The following HTN1 variants were observed in gnomAD, a reference collection of about 807,000 sequenced individuals.
The protein encoded by HTN1 is histatin-1.
Under a neutral mutation model 11.2 loss-of-function variants are expected in HTN1, and 18 were observed. The ratio of observed to expected loss-of-function variants is 1.61; its 90% CI spans 1.12 to 2.39. The LOEUF is 2.39. Among genes scored for constraint, HTN1 ranks in the 30% most tolerant of loss-of-function variants. The probability of loss-of-function intolerance (pLI) is 0.00; values close to 1 mark genes in which losing one functional copy is unlikely to be tolerated. For missense variants in HTN1, 80 were observed against 67.2 expected, an observed-to-expected ratio of 1.19 and a Z score of -0.67; for synonymous variants, 21 against 20.5, an observed-to-expected ratio of 1.02 and a Z score of -0.07.
chr4:70,055,776 A>C, intron 5 of HTN1, 174 bp downstream of exon 5: 2 of 492,828 alleles, frequency 4.1e-6, no homozygotes, highest in Non-Finnish European at 7.3e-6. Context: ...GTTATTTCTG[A>C]GGTCTCTGTT....
intron 5 of HTN1, chr4:70,057,961 T>A (rs1726085037): frequency 6.6e-6 from 1 of 152,146 alleles, no homozygotes; most frequent in Non-Finnish European, 1.5e-5. Context: ...TTCAAGGAAA[T>A]AGAAAATGGT....
chr4:70,055,553 A>C lies in HTN1; in HGVS notation c.158A>C (p.Tyr53Ser). Residue 53 changes from tyrosine (Y) to serine (S), a missense_variant, in exon 5 of 6, where the codon TAT becomes TCT. Coordinates refer to ENST00000246896, the MANE Select transcript of HTN1 (RefSeq NM_002159.4). Reference protein sequence around the residue: ...FPFYGDYGSNYLYDN With the variant: ...FPFYGDYGSNSLYDN ...TTTTATGGGGACTATGGATCAAATT[A>C]TCTATATGACAATTGATATCCTTAG... is the stretch of plus-strand genomic sequence containing the variant. 1 of 1,577,658 alleles carries C rather than the reference A, an allele frequency of 6.3e-7. No individual in the cohort carries two copies.
chr4:70,054,386 T>C, intron 3 of HTN1, 35 bp from the exon 4 acceptor site: 1 of 1,525,294 alleles, frequency 6.6e-7, no homozygotes, highest in Non-Finnish European at 9.0e-7. Flanking sequence ...AATAAACATA[T>C]ATTGAATTTT....
At chr4:70,052,490 T>G (rs1374571533) in intron 1 of HTN1, among the ~76,000 whole-genome samples, 1 of 152,180 alleles carries the variant, frequency 6.6e-6, no homozygotes, top group Non-Finnish European at 1.5e-5. Flanking sequence ...TCTGTTTTAT[T>G]TCTTTATAGG....
chr4:70,051,607 G>A (rs1179848749), intron 1 of HTN1, among the ~76,000 whole-genome samples: 1 of 152,050 alleles, frequency 6.6e-6, no homozygotes, highest in Admixed American at 6.6e-5. Flanking sequence ...CATAAAAAGA[G>A]TTGTAGTAGG....
chr4:70,053,110 C>A lies in HTN1; in HGVS notation c.34C>A (p.Leu12Ile). The part of the protein sequence containing the change: ...KFFVFALVLA[L>I]MISMISADSH... ...TTTTGTCTTTGCTTTAGTCTTGGCT[C>A]TCATGATTTCCATGATTGTAAGTAT... The change falls in exon 2 of 6, where the codon CTC becomes ATC. Residue 12 changes from leucine to isoleucine, a missense_variant. Coordinates refer to ENST00000246896, the MANE Select transcript of HTN1 (RefSeq NM_002159.4). 2.5e-6 allele frequency: 4 copies of A among 1,608,214 alleles called. No homozygotes were observed. The highest frequency in any genetic ancestry group is 3.4e-6 in the Non-Finnish European group (4 of 1,174,992).
At chr4:70,055,000 TA>T (rs1421161113) in intron 4 of HTN1, among the ~76,000 whole-genome samples, 1 of 152,034 alleles carries the variant, frequency 6.6e-6, no homozygotes, top group East Asian at 1.9e-4. Context: ...GTATACATGT[TA>T]AAAAAGCACC....
intron 4 of HTN1, among the ~76,000 whole-genome samples, chr4:70,054,921 C>T (rs560521998): frequency 1.3e-5 from 2 of 152,058 alleles, no homozygotes; most frequent in Admixed American, 6.6e-5. Context: ...TATATAAAGT[C>T]TCATGTTATT....
intron 2 of HTN1, among the ~76,000 whole-genome samples, chr4:70,053,361 T>C (rs60499055): frequency 0.021 from 3,237 of 152,214 alleles, 108 homozygotes; most frequent in African/African-American, 0.073. Flanking sequence ...AATGTAAAAG[T>C]AAAAGAAAAT....
At chr4:70,058,441 A>G (rs1438193211) in intron 5 of HTN1, 139 bp from the exon 6 acceptor site, 3 of 152,150 alleles carry the variant, frequency 2.0e-5, no homozygotes, top group Non-Finnish European at 2.9e-5. Context: ...TGTCTACTCT[A>G]TATCAAATAG....
chr4:70,054,424 C>T lies in HTN1; in HGVS notation c.76C>T (p.His26Tyr), dbSNP rs748214658. 9.2e-6 allele frequency: 14 copies of T among 1,522,020 alleles called. No individual in the cohort carries two copies. The South Asian group carries it at 1.7e-4, about 18-fold the overall frequency. 94.3% of individuals were successfully genotyped at this position (1,522,020 alleles called of 1,614,324 possible). ...MISADSHEKR[H>Y]HGYRRKFHEK... is the part of the protein sequence containing the mutation. ...ATCTTTTCTTTTTATTTCATAGAGACATCATGGGTATAGAAGAAAATTCCA... is the reference window on the plus strand; with the variant it reads ...ATCTTTTCTTTTTATTTCATAGAGATATCATGGGTATAGAAGAAAATTCCA... Residue 26 changes from histidine (H) to tyrosine (Y), a missense_variant, in exon 4 of 6, where the codon CAT becomes TAT. Coordinates refer to ENST00000246896, the MANE Select transcript of HTN1 (RefSeq NM_002159.4).
At chr4:70,056,138 C>G (rs565565896) in intron 5 of HTN1, 1 of 152,148 alleles carries the variant, frequency 6.6e-6, no homozygotes, top group East Asian at 1.9e-4. Flanking sequence ...GTTTGTAGTT[C>G]TCCTTGAAGA....
intron 4 of HTN1, among the ~76,000 whole-genome samples, chr4:70,054,837 C>A (rs1725992357): frequency 6.6e-6 from 1 of 151,960 alleles, no homozygotes; most frequent in Admixed American, 6.6e-5. Flanking sequence ...GAGGATGATA[C>A]AGTCTTTAAA....
intron 5 of HTN1, chr4:70,058,148 A>AT (rs1726089710): frequency 1.3e-5 from 2 of 152,126 alleles, no homozygotes; most frequent in Admixed American, 1.3e-4. Context: ...ATATTTTTTA[A>AT]TGTATTGGGA....
chr4:70,056,983 C>T (rs543332607), intron 5 of HTN1: 1 of 152,236 alleles, frequency 6.6e-6, no homozygotes, highest in South Asian at 2.1e-4. Context: ...TATGGTGATT[C>T]CTCAAGGATC....
intron 1 of HTN1, among the ~76,000 whole-genome samples, chr4:70,051,341 A>C (rs1195923258): frequency 6.6e-6 from 1 of 152,132 alleles, no homozygotes; most frequent in African/African-American, 2.4e-5. Context: ...CAATCTTACT[A>C]ATTTGTTTAA....
chr4:70,050,669 A>G (rs929286662), intron 1 of HTN1, among the ~76,000 whole-genome samples, 174 bp downstream of exon 1: 8 of 152,184 alleles, frequency 5.3e-5, no homozygotes, highest in Non-Finnish European at 1.2e-4. Context: ...ATAGAATACC[A>G]TAATTTCTAA....
chr4:70,052,014 T>A (rs571656487), intron 1 of HTN1, among the ~76,000 whole-genome samples: 32 of 152,314 alleles, frequency 2.1e-4, no homozygotes, highest in Non-Finnish European at 3.8e-4. Flanking sequence ...AGTAACCTGC[T>A]ATACTTTTTT....
intron 1 of HTN1, chr4:70,052,852 C>A: frequency 2.4e-6 from 1 of 420,998 alleles, no homozygotes; most frequent in Non-Finnish European, 4.3e-6. Context: ...CTTGTAGTTC[C>A]AGCTACAAGT....
Sources: allele counts gnomAD v4.1 joint callset (sites outside exome capture counted in the v4.1 genomes callset), GRCh38; gene constraint gnomAD v4.1.1; transcripts MANE v1.5; gene names NCBI Gene and HGNC (gene_info 2026-07-23, HGNC 2026-07-21).